ZFPM2: variants seen among roughly 807,000 people sequenced by gnomAD.
ZFPM2 encodes zinc finger protein ZFPM2.
ZFPM2 carries 20 observed loss-of-function variants against 98.6 expected under a neutral mutation model. The ratio of observed to expected loss-of-function variants is 0.20; its 90% CI spans 0.14 to 0.29. The LOEUF is 0.29. ZFPM2 is among the 10% of genes least tolerant of loss of function. ZFPM2 has a pLI of 1.00. For missense variants in ZFPM2, 1,310 were observed against 1,388.6 expected, an observed-to-expected ratio of 0.94 and a Z score of 0.90; for synonymous variants, 518 against 502.7, an observed-to-expected ratio of 1.03 and a Z score of -0.41.
chr8:105,709,055 T>C (rs2130971678), intron 5 of ZFPM2, among the ~76,000 whole-genome samples: 1 of 152,266 alleles, frequency 6.6e-6, no homozygotes, highest in East Asian at 1.9e-4. Context: ...AAATAACTAT[T>C]CTATTTTTTG....
At chr8:105,754,624 C>A (rs181845796) in intron 5 of ZFPM2, among the ~76,000 whole-genome samples, 144 of 151,858 alleles carry the variant, frequency 9.5e-4, no homozygotes, top group Non-Finnish European at 1.8e-3. Flanking sequence ...TCAGTTGGAT[C>A]TAATTTCTCA....
At chr8:105,766,227 A>T (rs1453966821) in intron 5 of ZFPM2, among the ~76,000 whole-genome samples, 1 of 151,948 alleles carries the variant, frequency 6.6e-6, no homozygotes, top group Non-Finnish European at 1.5e-5. Context: ...GTTTTTCGTT[A>T]ACTATGAATG....
chr8:105,774,758 T>C (rs1270658192), intron 5 of ZFPM2, among the ~76,000 whole-genome samples: 2 of 152,168 alleles, frequency 1.3e-5, no homozygotes, highest in African/African-American at 2.4e-5. Context: ...TTTAACCCTT[T>C]TCCTAGTTTC....
intron 5 of ZFPM2, among the ~76,000 whole-genome samples, chr8:105,677,981 G>T (rs754868185): frequency 9.2e-5 from 14 of 152,208 alleles, no homozygotes; most frequent in Middle Eastern, 3.4e-3. Context: ...CATAAATTGG[G>T]CATTTCAGAG....
intron 4 of ZFPM2, among the ~76,000 whole-genome samples, chr8:105,597,985 C>A (rs549614248): frequency 1.4e-3 from 207 of 151,692 alleles, no homozygotes; most frequent in South Asian, 3.1e-3. Context: ...TCTTTCCAAT[C>A]CTGTTGTTCT....
At chr8:105,685,484 A>G (rs769074692) in intron 5 of ZFPM2, among the ~76,000 whole-genome samples, 19 of 152,080 alleles carry the variant, frequency 1.2e-4, no homozygotes, top group Non-Finnish European at 2.2e-4. Context: ...TTTTCAGTCA[A>G]TATATTTTCT....
Position 105,788,831 on chromosome 8 carries a change from G to A in ZFPM2, c.646G>A (p.Glu216Lys), listed in dbSNP as rs369453466. ...AGCTGCCAGTCAGATGACTCTCACAGAAGGGATGTACCCTGCACGCCTGCT... is the reference window on the plus strand; with the variant it reads ...AGCTGCCAGTCAGATGACTCTCACAAAAGGGATGTACCCTGCACGCCTGCT... ...LQAASQMTLT[E>K]GMYPARLLDS... The change falls in exon 6 of 8, where the codon GAA becomes AAA. Residue 216 changes from glutamate to lysine, a missense_variant. By Grantham distance (56) the Glu-to-Lys change is moderately conservative (BLOSUM62 1). Transcript: ENST00000407775. The A allele has an allele frequency of 1.2e-6, 2 of 1,613,872 alleles. No individual in the cohort carries two copies. The highest frequency in any genetic ancestry group is 1.7e-6 in the Non-Finnish European group (2 of 1,179,884).
intron 2 of ZFPM2, among the ~76,000 whole-genome samples, chr8:105,430,539 A>T (rs1291603939): frequency 6.6e-6 from 1 of 152,236 alleles, no homozygotes; most frequent in Non-Finnish European, 1.5e-5. Flanking sequence ...TATGCTAAAA[A>T]ATGAAGAGAG....
At position 105,355,417 on chromosome 8, in the gene ZFPM2, G is replaced by A. The variant is rs199943675; in HGVS notation, c.40+36436G>A. On this transcript the variant is annotated intron_variant, in intron 1 of 7. Coordinates refer to ENST00000407775, the MANE Select transcript of ZFPM2 (RefSeq NM_012082.4). ...CTGGCTAATTAATGTGTTCATGTTG[G>A]GTAATAGTTTTGTTCTTTTAAATTC... Among the ~76,000 whole-genome samples, 7 of 152,016 alleles carry A rather than the reference G, an allele frequency of 4.6e-5. No homozygotes were observed. The East Asian group carries it at 1.2e-3, about 25-fold the overall frequency.
At chr8:105,616,241 C>A (rs896655589) in intron 4 of ZFPM2, among the ~76,000 whole-genome samples, 1 of 152,016 alleles carries the variant, frequency 6.6e-6, no homozygotes, top group Non-Finnish European at 1.5e-5. Flanking sequence ...CATAAAAAAT[C>A]TGAAGTAACT....
chr8:105,508,319 C>T (rs1049529790), intron 3 of ZFPM2, among the ~76,000 whole-genome samples: 1 of 152,142 alleles, frequency 6.6e-6, no homozygotes, highest in Non-Finnish European at 1.5e-5. Context: ...GCAGAAGAGT[C>T]CCGCCTGATT....
At chr8:105,648,364 C>G (rs1307021300) in intron 5 of ZFPM2, among the ~76,000 whole-genome samples, 1 of 152,150 alleles carries the variant, frequency 6.6e-6, no homozygotes, top group Non-Finnish European at 1.5e-5. Flanking sequence ...TTTTGTTGTG[C>G]AGAAGCTCTT....
At chr8:105,382,042 A>T (rs1308650552) in intron 1 of ZFPM2, among the ~76,000 whole-genome samples, 2 of 152,092 alleles carry the variant, frequency 1.3e-5, no homozygotes, top group Non-Finnish European at 1.5e-5. Flanking sequence ...CAAGATTCAA[A>T]ATTTATTTGT....
chr8:105,749,656 T>G (rs1812432289), intron 5 of ZFPM2, among the ~76,000 whole-genome samples: 2 of 151,940 alleles, frequency 1.3e-5, no homozygotes, highest in South Asian at 4.1e-4. Context: ...AAACAAATAT[T>G]GCTTTGTTTT....
chr8:105,551,507 C>G (rs1162922728), intron 3 of ZFPM2, among the ~76,000 whole-genome samples: 1 of 152,166 alleles, frequency 6.6e-6, no homozygotes, highest in African/African-American at 2.4e-5. Context: ...TAATGGAATT[C>G]TACTTCAGAC....
At chr8:105,622,903 A>G (rs954924890) in intron 4 of ZFPM2, among the ~76,000 whole-genome samples, 1 of 152,220 alleles carries the variant, frequency 6.6e-6, no homozygotes, top group Non-Finnish European at 1.5e-5. Context: ...AAAACCAAAT[A>G]TACAGTTTTT....
intron 5 of ZFPM2, among the ~76,000 whole-genome samples, chr8:105,729,138 CTA>C (rs1202007154): frequency 6.6e-6 from 1 of 151,662 alleles, no homozygotes; most frequent in African/African-American, 2.4e-5. Context: ...TATAAAATCA[CTA>C]TTTTTCGATA....
Position 105,803,275 on chromosome 8 carries a change from C to G in ZFPM2, c.3193C>G (p.Gln1065Glu), listed in dbSNP as rs1183438208. 1.3e-6 allele frequency: 2 copies of G among 1,596,726 alleles called. No homozygotes were observed. Among genetic ancestry groups the G allele is most frequent in the African/African-American group, 1.3e-5 (1 of 74,380 alleles). ...AANPQQENIS[Q>E]NPQHEDDHKS... ...CAACCCACAGCAAGAGAACATTTCCCAGAATCCTCAGCACGAAGACGACCA... is the reference window on the plus strand; with the variant it reads ...CAACCCACAGCAAGAGAACATTTCCGAGAATCCTCAGCACGAAGACGACCA... The change falls in exon 8 of 8, where the codon CAG becomes GAG. Residue 1065 changes from glutamine to glutamate, a missense_variant. Gln to Glu is a conservative substitution (Grantham distance 29). Transcript: ENST00000407775.
At chr8:105,507,131 A>ATT (rs943655111) in intron 3 of ZFPM2, among the ~76,000 whole-genome samples, 33 of 152,216 alleles carry the variant, frequency 2.2e-4, no homozygotes, top group African/African-American at 8.0e-4. Context: ...ATGTTTTGTT[A>ATT]TTAATAAGAT....
Sources: allele counts gnomAD v4.1 joint callset (sites outside exome capture counted in the v4.1 genomes callset), GRCh38; gene constraint gnomAD v4.1.1; transcripts MANE v1.5; gene names NCBI Gene and HGNC (gene_info 2026-07-23, HGNC 2026-07-21).